PXN: variants seen among roughly 807,000 people sequenced by gnomAD.
PXN encodes the protein paxillin.
A neutral mutation model predicts 103.6 loss-of-function variants in PXN; 61 were observed. That is an observed-to-expected ratio of 0.59 (90% CI 0.48 to 0.73). PXN has a LOEUF of 0.73. PXN is among the 30% of genes least tolerant of loss of function. The probability of loss-of-function intolerance (pLI) is 0.00; values close to 1 mark genes in which losing one functional copy is unlikely to be tolerated. For missense variants in PXN, 1,274 were observed against 1,460.3 expected, an observed-to-expected ratio of 0.87 and a Z score of 2.08; for synonymous variants, 562 against 607.8, an observed-to-expected ratio of 0.92 and a Z score of 1.11.
At chr12:120,251,740 C>T (rs1306595083) in intron 1 of PXN, among the ~76,000 whole-genome samples, 2 of 151,830 alleles carry the variant, frequency 1.3e-5, no homozygotes, top group Admixed American at 1.3e-4. Flanking sequence ...TTGCTTGAAC[C>T]CGGGAGGCAG....
intron 1 of PXN, among the ~76,000 whole-genome samples, chr12:120,249,600 G>C (rs1253543643): frequency 1.3e-5 from 2 of 152,164 alleles, no homozygotes; most frequent in Non-Finnish European, 2.9e-5. Flanking sequence ...CCTGGTCACT[G>C]TTCCTGCTGC....
chr12:120,232,026 T>C (rs1465447833), intron 1 of PXN, among the ~76,000 whole-genome samples: 1 of 152,198 alleles, frequency 6.6e-6, no homozygotes, highest in Admixed American at 6.5e-5. Flanking sequence ...CCAGAGTCTT[T>C]CTCTTCTTTT....
intron 1 of PXN, among the ~76,000 whole-genome samples, chr12:120,227,670 C>T (rs1355006079): frequency 6.6e-6 from 1 of 152,184 alleles, no homozygotes; most frequent in Non-Finnish European, 1.5e-5. Flanking sequence ...ACCCTTCATT[C>T]TCACCTAGTG....
At chr12:120,251,272 C>T (rs1433476654) in intron 1 of PXN, among the ~76,000 whole-genome samples, 2 of 152,044 alleles carry the variant, frequency 1.3e-5, no homozygotes, top group Non-Finnish European at 2.9e-5. Flanking sequence ...AATCCCAGCA[C>T]TTTGGGAGGC....
chr12:120,215,453 G>T lies in PXN; in HGVS notation c.2403+107C>A. The T allele has an allele frequency of 6.8e-7, 1 of 1,468,238 alleles. No homozygotes were observed. Among genetic ancestry groups the T allele is most frequent in the African/African-American group, 1.4e-5 (1 of 70,976 alleles). The allele number at this position is 1,468,238 out of a possible 1,614,324, so 91.0% of individuals were successfully genotyped here. A position where few individuals can be genotyped will look rare whatever the true frequency, so the allele number is the denominator to read the frequency against. ...AGTGACGTCAGCAGGACTCCTGGTG[G>T]TCGGAGGGGCCCACCAGGGTCGGAA... On this transcript the variant is annotated intron_variant, in intron 10 of 14. Coordinates refer to ENST00000637617, the MANE Select transcript of PXN (RefSeq NM_001385981.1). This position sits in a 1 kb window ranked among gnomAD's most constrained non-coding sequence, Gnocchi z 4.9.
chr12:120,222,987 C>T lies in PXN; in HGVS notation c.369G>A (p.Lys123=). 1 of 1,613,936 alleles carries T rather than the reference C, an allele frequency of 6.2e-7. No homozygotes were observed. The highest frequency in any genetic ancestry group is 8.5e-7 in the Non-Finnish European group (1 of 1,179,886). ...EEEHVYSFPN[K]QKSAEPSPTV... ...TGGGTGAAGGCTCAGCTGATTTCTGCTTGTTGGGGAAGCTTTGAGAGGCAA... is the reference window on the plus strand; with the variant it reads ...TGGGTGAAGGCTCAGCTGATTTCTGTTTGTTGGGGAAGCTTTGAGAGGCAA... Residue 123 remains lysine (K), a synonymous_variant, in exon 4 of 15, where the codon AAG becomes AAA. Coordinates refer to ENST00000637617, the MANE Select transcript of PXN (RefSeq NM_001385981.1). The surrounding 1 kb of genome is among the most constrained non-coding windows in gnomAD (Gnocchi z 4.7).
intron 1 of PXN, among the ~76,000 whole-genome samples, chr12:120,234,860 T>A (rs549341396): frequency 2.7e-3 from 416 of 152,232 alleles, no homozygotes; most frequent in Non-Finnish European, 4.8e-3. Flanking sequence ...CATCACTGAT[T>A]TTCATCTCCC....
rs1886619625 is a variant in PXN at position 120,225,484 on chromosome 12, C to CGAGG, written c.14-1111_14-1108dup. 6.6e-6 allele frequency: 1 copy of CGAGG among 152,298 alleles called. No individual in the cohort carries two copies. Among genetic ancestry groups the CGAGG allele is most frequent in the Non-Finnish European group, 1.5e-5 (1 of 68,154 alleles). 9.4% of individuals were successfully genotyped at this position (152,298 alleles called of 1,614,324 possible). A position where few individuals can be genotyped will look rare whatever the true frequency, so the allele number is the denominator to read the frequency against. On this transcript the variant is annotated intron_variant, in intron 1 of 14. Transcript: ENST00000637617. The surrounding 1 kb of genome is among the most constrained non-coding windows in gnomAD (Gnocchi z 4.4). ...CTGCTAGGCATTCTAGCAGCATGTA[C>CGAGG]GAGGTCTCCGTTAATCCCCCTAATA...
chr12:120,215,420 A>G lies in PXN; in HGVS notation c.2403+140T>C, dbSNP rs1260412820. 15 of 1,451,376 alleles carry G rather than the reference A, an allele frequency of 1.0e-5. No homozygotes were observed. Among genetic ancestry groups the G allele is most frequent in the Non-Finnish European group, 1.4e-5 (15 of 1,103,326 alleles). The allele number at this position is 1,451,376 out of a possible 1,614,324, so 89.9% of individuals were successfully genotyped here. On this transcript the variant is annotated intron_variant, in intron 10 of 14. Transcript: ENST00000637617. The surrounding 1 kb of genome is among the most constrained non-coding windows in gnomAD (Gnocchi z 4.9). ...ACCTCCTCCAGGGGCCAGGAGCCCT[A>G]AAGTGGGAGTGACGTCAGCAGGACT...
In PXN at chr12:120,222,826, G is replaced by T. The variant is rs781580506; in HGVS notation, c.493+37C>A. 3.9e-5 allele frequency: 63 copies of T among 1,609,642 alleles called. No individual in the cohort carries two copies. Among genetic ancestry groups the T allele is most frequent in the Non-Finnish European group, 5.3e-5 (62 of 1,177,980 alleles). Reference sequence around the variant, plus strand: ...TCTAGAGGTCAGCAGATGGGCCCTGGGCCCTGGTAGACCCTGCCCCAGGGA... The same window carrying T: ...TCTAGAGGTCAGCAGATGGGCCCTGTGCCCTGGTAGACCCTGCCCCAGGGA... On this transcript the variant is annotated intron_variant, in intron 4 of 14. Transcript: ENST00000637617. The surrounding 1 kb of genome is among the most constrained non-coding windows in gnomAD (Gnocchi z 4.7).
At chr12:120,243,822 T>C (rs1594482907) in intron 1 of PXN, among the ~76,000 whole-genome samples, 1 of 152,170 alleles carries the variant, frequency 6.6e-6, no homozygotes, top group Admixed American at 6.5e-5. Flanking sequence ...ACTTCTCCTA[T>C]GAGAACACCT....
chr12:120,215,223 C>CG lies in PXN; in HGVS notation c.2453dup (p.Lys819GlufsTer16). 6.3e-7 allele frequency: 1 copy of CG among 1,593,624 alleles called. No homozygotes were observed. ...TGCTGTCCAGCTGGCTCCCGGGCTT[C>CG]GGGGGCCCCCCAGGGGGTGAGCTGC... On this transcript the variant is annotated frameshift_variant, in exon 11 of 15. Coordinates refer to ENST00000637617, the MANE Select transcript of PXN (RefSeq NM_001385981.1). LOFTEE classifies it high-confidence loss of function. This position sits in a 1 kb window ranked among gnomAD's most constrained non-coding sequence, Gnocchi z 4.9.
At chr12:120,254,779 G>C (rs1050606849) in intron 1 of PXN, among the ~76,000 whole-genome samples, 1 of 152,134 alleles carries the variant, frequency 6.6e-6, no homozygotes, top group Non-Finnish European at 1.5e-5. Flanking sequence ...TTGATCTCTT[G>C]ACCTCAAGAT....
At position 120,219,265 on chromosome 12, in the gene PXN, G is replaced by A. The variant is rs1884293187; in HGVS notation, c.1658C>T (p.Pro553Leu). Residue 553 changes from proline to leucine, a missense_variant, in exon 7 of 15, where the codon CCA becomes CTA. This residue lies in a region of PXN where 1,178 missense variants were observed against 1,309.0 expected (regional missense o/e 0.90). Coordinates refer to ENST00000637617, the MANE Select transcript of PXN (RefSeq NM_001385981.1). This position sits in a 1 kb window ranked among gnomAD's most constrained non-coding sequence, Gnocchi z 6.5. Reference protein sequence around the residue: ...TQDGKEQPELPCAMAMGTPST... With the variant: ...TQDGKEQPELLCAMAMGTPST... ...GGGTGTGCCCATGGCCATGGCACAT[G>A]GAAGCTCTGGCTGTTCCTTCCCGTC... The A allele has an allele frequency of 6.3e-7, 1 of 1,598,162 alleles. No homozygotes were observed. Among genetic ancestry groups the A allele is most frequent in the Non-Finnish European group, 8.5e-7 (1 of 1,179,686 alleles).
chr12:120,216,515 C>G lies in PXN; in HGVS notation c.2059G>C (p.Val687Leu). ...TCTGTGCGATGCTGGAGCAAAGGGA[C>G]AGAAGGAGAAGCCAGGACAGAGATG... ...RTISVLASPS[V>L]PLLQHRTDAA... The change falls in exon 9 of 15, where the codon GTC (valine) becomes CTC (leucine). Residue 687 changes from valine (V) to leucine (L), a missense_variant. Coordinates refer to ENST00000637617, the MANE Select transcript of PXN (RefSeq NM_001385981.1). The surrounding 1 kb of genome is among the most constrained non-coding windows in gnomAD (Gnocchi z 5.1). 1.4e-6 allele frequency: 2 copies of G among 1,397,406 alleles called. No individual in the cohort carries two copies. The highest frequency in any genetic ancestry group is 1.8e-6 in the Non-Finnish European group (2 of 1,084,502). The allele number at this position is 1,397,406 out of a possible 1,614,324, so 86.6% of individuals were successfully genotyped here.
At chr12:120,251,329 C>T (rs1055494648) in intron 1 of PXN, among the ~76,000 whole-genome samples, 9 of 151,232 alleles carry the variant, frequency 6.0e-5, no homozygotes, top group African/African-American at 2.0e-4. Context: ...ACCAGCCTGG[C>T]GAACATGGTG....
At chr12:120,218,022 A>G (rs1883813865) in intron 7 of PXN, among the ~76,000 whole-genome samples, 1 of 149,928 alleles carries the variant, frequency 6.7e-6, no homozygotes, top group African/African-American at 2.5e-5. Flanking sequence ...TGTTTTCCAA[A>G]GAGGCATAAA....
At chr12:120,258,115 C>CCT (rs1402192122) in intron 1 of PXN, among the ~76,000 whole-genome samples, 17 of 151,972 alleles carry the variant, frequency 1.1e-4, no homozygotes, top group Admixed American at 2.0e-4. Flanking sequence ...ATCACTTGAA[C>CCT]CTGGGAGGCA....
Position 120,217,175 on chromosome 12 carries a change from T to C in PXN, c.1717-59A>G. ...CCACTCCCAGCTTGCACAACGCTGC[T>C]CAGGCCACACTCAGATGCCTCAGGA... On this transcript the variant is annotated intron_variant, in intron 7 of 14. Transcript: ENST00000637617. This position sits in a 1 kb window ranked among gnomAD's most constrained non-coding sequence, Gnocchi z 4.1. 7.3e-7 allele frequency: 1 copy of C among 1,368,810 alleles called. No homozygotes were observed. Among genetic ancestry groups the C allele is most frequent in the Non-Finnish European group, 1.0e-6 (1 of 994,810 alleles). The allele number at this position is 1,368,810 out of a possible 1,614,324, so 84.8% of individuals were successfully genotyped here.
Sources: gnomAD v4.1 joint callset for allele counts (sites outside exome capture counted in the v4.1 genomes callset) on GRCh38, gnomAD v4.1.1 for gene constraint, gnomAD v4.1.1 regional missense constraint, Gnocchi (gnomAD v3.1) non-coding constraint, MANE v1.5 for transcripts, NCBI Gene and HGNC (gene_info 2026-07-23, HGNC 2026-07-21) for gene names.